The following PDE4D variants were observed in gnomAD, a reference collection of about 807,000 sequenced individuals.
The protein encoded by PDE4D is phosphodiesterase 4D.
PDE4D carries 24 observed loss-of-function variants against 87.4 expected under a neutral mutation model. The ratio of observed to expected loss-of-function variants is 0.27; its 90% CI spans 0.20 to 0.39. PDE4D has a LOEUF of 0.39. Ranked by LOEUF, PDE4D falls within the 10% of genes least tolerant of loss-of-function variation. PDE4D has a pLI of 1.00. For synonymous variants in PDE4D, 384 were observed against 383.2 expected (o/e 1.00, Z -0.02); for missense variants, 714 against 1,041.0 (o/e 0.69, Z 4.32).
intron 5 of PDE4D, among the ~76,000 whole-genome samples, chr5:59,047,713 G>A (rs1029649867): frequency 3.9e-5 from 6 of 152,216 alleles, no homozygotes; most frequent in African/African-American, 7.2e-5. Context: ...GAATGTTTGT[G>A]TCTCTCCAAT....
At chr5:59,433,032 T>A (rs935207821) in intron 1 of PDE4D, among the ~76,000 whole-genome samples, 4 of 152,164 alleles carry the variant, frequency 2.6e-5, no homozygotes, top group Non-Finnish European at 1.5e-5. Flanking sequence ...TTGTGATGTA[T>A]GACTGGGGTG....
chr5:59,294,040 C>A (rs1341779434), intron 1 of PDE4D, among the ~76,000 whole-genome samples: 1 of 152,160 alleles, frequency 6.6e-6, no homozygotes, highest in East Asian at 1.9e-4. Context: ...CTGGGCATGA[C>A]TGGAAGCAGA....
chr5:60,229,597 G>T (rs1332225297), intron 1 of PDE4D, among the ~76,000 whole-genome samples: 1 of 152,036 alleles, frequency 6.6e-6, no homozygotes, highest in Non-Finnish European at 1.5e-5. Flanking sequence ...TCTGAAGGAT[G>T]GTATTATTTG....
At chr5:59,710,439 T>C (rs1463065582) in intron 1 of PDE4D, among the ~76,000 whole-genome samples, 1 of 152,210 alleles carries the variant, frequency 6.6e-6, no homozygotes, top group Non-Finnish European at 1.5e-5. Flanking sequence ...TCCAGTATTC[T>C]GCACATTAAT....
At chr5:59,781,929 CAT>C (rs1764678759) in intron 1 of PDE4D, among the ~76,000 whole-genome samples, 1 of 150,020 alleles carries the variant, frequency 6.7e-6, no homozygotes, top group Non-Finnish European at 1.5e-5. Flanking sequence ...TTGGGAATAA[CAT>C]GTCATTTTAT....
At chr5:60,328,423 T>A (rs969633569) in intron 1 of PDE4D, among the ~76,000 whole-genome samples, 3 of 152,202 alleles carry the variant, frequency 2.0e-5, no homozygotes, top group African/African-American at 7.2e-5. Flanking sequence ...TATGTACTCT[T>A]TTTTAATTGA....
At chr5:59,910,665 C>T (rs969212056) in intron 3 of PDE4D, among the ~76,000 whole-genome samples, 2 of 152,098 alleles carry the variant, frequency 1.3e-5, no homozygotes, top group African/African-American at 4.8e-5. Flanking sequence ...TTTATCAGTC[C>T]CTGCTCTCAA....
chr5:60,068,032 G>A (rs1453358038), intron 2 of PDE4D, among the ~76,000 whole-genome samples: 2 of 152,176 alleles, frequency 1.3e-5, no homozygotes, highest in Non-Finnish European at 2.9e-5. Context: ...AATGAATATA[G>A]GAGTGCTAAT....
intron 3 of PDE4D, among the ~76,000 whole-genome samples, chr5:59,919,634 T>C (rs1459075241): frequency 6.6e-6 from 1 of 152,232 alleles, no homozygotes; most frequent in Non-Finnish European, 1.5e-5. Flanking sequence ...GAGCACTCCA[T>C]GCAAACCACT....
intron 1 of PDE4D, among the ~76,000 whole-genome samples, chr5:59,300,091 G>A (rs1442188471): frequency 1.2e-4 from 13 of 106,266 alleles, no homozygotes; most frequent in Non-Finnish European, 2.0e-4. Context: ...CAGCCTGGGC[G>A]ACAGAAAAAG....
intron 1 of PDE4D, among the ~76,000 whole-genome samples, chr5:59,794,343 A>G (rs1053753217): frequency 6.6e-6 from 1 of 152,232 alleles, no homozygotes; most frequent in African/African-American, 2.4e-5. Flanking sequence ...AGAAATGTGC[A>G]TAAATGCGCT....
chr5:59,341,348 C>T (rs542367021), intron 1 of PDE4D, among the ~76,000 whole-genome samples: 5 of 152,212 alleles, frequency 3.3e-5, no homozygotes, highest in Non-Finnish European at 5.9e-5. Flanking sequence ...TAAATCCACA[C>T]GAGAGCTCCG....
intron 3 of PDE4D, among the ~76,000 whole-genome samples, chr5:59,946,549 G>T (rs923988976): frequency 6.6e-6 from 1 of 152,196 alleles, no homozygotes; most frequent in Non-Finnish European, 1.5e-5. Flanking sequence ...TTCCCAACAT[G>T]CTATGCATTG....
At chr5:60,073,919 CTTCT>C (rs1582515708) in intron 2 of PDE4D, among the ~76,000 whole-genome samples, 1 of 151,898 alleles carries the variant, frequency 6.6e-6, no homozygotes, top group Non-Finnish European at 1.5e-5. Context: ...CTTCTCTCTT[CTTCT>C]TTATTAGTCT....
chr5:59,650,215 T>G (rs1179318959), intron 1 of PDE4D, among the ~76,000 whole-genome samples: 4 of 152,122 alleles, frequency 2.6e-5, no homozygotes, highest in African/African-American at 9.7e-5. Flanking sequence ...TTTTCAGAAC[T>G]AAGATGAATA....
chr5:59,345,001 C>A (rs1030781100), intron 1 of PDE4D, among the ~76,000 whole-genome samples: 1 of 151,892 alleles, frequency 6.6e-6, no homozygotes, highest in Admixed American at 6.6e-5. Flanking sequence ...GGATTGATAT[C>A]ATCAATCAGT....
At chr5:59,512,560 G>T (rs62357507) in intron 1 of PDE4D, among the ~76,000 whole-genome samples, 1 of 152,070 alleles carries the variant, frequency 6.6e-6, no homozygotes, top group Non-Finnish European at 1.5e-5. Context: ...TTTACTTCAA[G>T]AATGTTTAAC....
At chr5:60,251,821 G>C (rs1254770077) in intron 1 of PDE4D, among the ~76,000 whole-genome samples, 2 of 151,870 alleles carry the variant, frequency 1.3e-5, no homozygotes, top group African/African-American at 2.4e-5. Context: ...AAAGTCTATA[G>C]TAGTGTATAG....
chr5:60,397,039 C>T (rs1050560141), intron 1 of PDE4D, among the ~76,000 whole-genome samples: 1 of 152,202 alleles, frequency 6.6e-6, no homozygotes, highest in Admixed American at 6.5e-5. Context: ...TTACTACTAG[C>T]ACTCACAGTA....
Sources: gnomAD v4.1 joint callset for allele counts (sites outside exome capture counted in the v4.1 genomes callset) on GRCh38, gnomAD v4.1.1 for gene constraint, MANE v1.5 for transcripts, NCBI Gene and HGNC (gene_info 2026-07-23, HGNC 2026-07-21) for gene names.